Variants in ALG11 observed in about 807,000 individuals in gnomAD.
ALG11 encodes the protein GDP-Man:Man(3)GlcNAc(2)-PP-Dol alpha-1,2-mannosyltransferase.
In ALG11, 26 loss-of-function variants were observed where a neutral mutation model predicts 38.8. The ratio of observed to expected loss-of-function variants is 0.67; its 90% CI spans 0.49 to 0.93. The LOEUF (loss-of-function observed/expected upper bound fraction) is 0.93, where lower values mean the gene tolerates loss of function less well. Among genes scored for constraint, ALG11 ranks in the 40% least tolerant of loss-of-function variants. The pLI, the probability that ALG11 is intolerant of heterozygous loss-of-function variation, is 0.00. For missense variants in ALG11, 535 were observed against 578.8 expected (o/e 0.92, Z 0.78); for synonymous variants, 199 against 211.6 (o/e 0.94, Z 0.52).
At chr13:52,014,567 C>T (rs374594970) in intron 1 of ALG11, among the ~76,000 whole-genome samples, 20 of 150,950 alleles carry the variant, frequency 1.3e-4, no homozygotes, top group African/African-American at 4.9e-4. Context: ...AAGAGTCTTG[C>T]TCTGTTGCCC....
At chr13:52,014,540 A>AT (rs1245766355) in intron 1 of ALG11, among the ~76,000 whole-genome samples, 62 of 147,066 alleles carry the variant, frequency 4.2e-4, no homozygotes, top group African/African-American at 6.0e-4. Flanking sequence ...TTTTTTTTTA[A>AT]TTTTTTTTTT....
rs1954224792 is a variant in ALG11 at position 52,024,885 on chromosome 13, G to T, written c.1155G>T (p.Leu385Phe). 6.2e-7 allele frequency: 1 copy of T among 1,613,352 alleles called. No homozygotes were observed. The highest frequency in any genetic ancestry group is 8.5e-7 in the Non-Finnish European group (1 of 1,180,022). Residue 385 changes from leucine (L) to phenylalanine (F), a missense_variant, in exon 3 of 4, where the codon TTG becomes TTT. Coordinates refer to ENST00000521508, the MANE Select transcript of ALG11 (RefSeq NM_001004127.3). ...NIPFDELKNY[L>F]SEATIGLHTM... is the part of the protein sequence containing the mutation. ...CATTTGATGAATTAAAGAATTATTT[G>T]TCTGAAGCAACAATTGGTCTGCATA...
Position 52,029,498 on chromosome 13 carries a change from C to T in ALG11, c.*908C>T. ...AGCAGAGCTTCAGAGGGCTCGGGCT[C>T]TGCAGTCCTACTATGAGGCCAAGGC... is the stretch of plus-strand genomic sequence containing the variant. On this transcript the variant is annotated 3_prime_UTR_variant, in exon 4 of 4. Transcript: ENST00000521508. The T allele has an allele frequency of 6.2e-7, 1 of 1,614,128 alleles. No individual in the cohort carries two copies. Among genetic ancestry groups the T allele is most frequent in the African/African-American group, 1.3e-5 (1 of 75,024 alleles).
At position 52,029,921 on chromosome 13, in the gene ALG11, T is replaced by C; in HGVS notation, c.*1331T>C. The C allele has an allele frequency of 6.2e-7, 1 of 1,614,156 alleles. No homozygotes were observed. Among genetic ancestry groups the C allele is most frequent in the Non-Finnish European group, 8.5e-7 (1 of 1,180,024 alleles). Reference sequence around the variant, plus strand: ...GATGAATGTGGACGGACCGAATCCCTGGATGTTCAGGAGCTGCACCAGTGA... The same window carrying C: ...GATGAATGTGGACGGACCGAATCCCCGGATGTTCAGGAGCTGCACCAGTGA... On this transcript the variant is annotated 3_prime_UTR_variant, in exon 4 of 4. Transcript: ENST00000521508.
chr13:52,029,343 G>A lies in ALG11; in HGVS notation c.*753G>A. 5 of 1,614,122 alleles carry A rather than the reference G, an allele frequency of 3.1e-6. No homozygotes were observed. Among genetic ancestry groups the A allele is most frequent in the Non-Finnish European group, 4.2e-6 (5 of 1,180,034 alleles). On this transcript the variant is annotated 3_prime_UTR_variant, in exon 4 of 4. Transcript: ENST00000521508. ...CATGCGCTCAGTGGCTGGAAGGCAA[G>A]AACTCCCCTGGAGCAGGAAATTTTT...
rs1954269894 is a variant in ALG11, at chr13:52,029,047, A to G, written c.*457A>G. On this transcript the variant is annotated 3_prime_UTR_variant, in exon 4 of 4. Transcript: ENST00000521508. ...TCAGTGTCAGTTCTGAAGGATCAGG[A>G]GAAAAGCTGGGCCTTGCAGATCTGC... 3.1e-6 allele frequency: 5 copies of G among 1,614,264 alleles called. No individual in the cohort carries two copies. Among genetic ancestry groups the G allele is most frequent in the Non-Finnish European group, 4.2e-6 (5 of 1,180,046 alleles).
In ALG11 at chr13:52,029,099, T is replaced by C. The variant is rs1177474375; in HGVS notation, c.*509T>C. On this transcript the variant is annotated 3_prime_UTR_variant, in exon 4 of 4. Transcript: ENST00000521508. Reference sequence around the variant, plus strand: ...TGAGCCCGTTAAAACTTCATCTTCTTTGGCCACTGTAAAAAAGCAACTGAA... The same window carrying C: ...TGAGCCCGTTAAAACTTCATCTTCTCTGGCCACTGTAAAAAAGCAACTGAA... 1.4e-5 allele frequency: 22 copies of C among 1,614,054 alleles called. No individual in the cohort carries two copies. Among genetic ancestry groups the C allele is most frequent in the Non-Finnish European group, 1.9e-5 (22 of 1,180,042 alleles).
chr13:52,021,922 G>A (rs1954187298), intron 2 of ALG11: 1 of 152,252 alleles, frequency 6.6e-6, no homozygotes, highest in African/African-American at 2.4e-5. Context: ...GAGACAGGAA[G>A]TAGGAGCTGC....
At chr13:52,028,089 T>C (rs930437625) in intron 3 of ALG11, among the ~76,000 whole-genome samples, 69 of 151,102 alleles carry the variant, frequency 4.6e-4, no homozygotes, top group African/African-American at 1.4e-3. Flanking sequence ...TGAGACCCTA[T>C]CTCTTAAAAA....
chr13:52,029,098 T>C lies in ALG11; in HGVS notation c.*508T>C, dbSNP rs1434428281. 6.2e-7 allele frequency: 1 copy of C among 1,614,206 alleles called. No homozygotes were observed. Among genetic ancestry groups the C allele is most frequent in the Non-Finnish European group, 8.5e-7 (1 of 1,180,042 alleles). On this transcript the variant is annotated 3_prime_UTR_variant, in exon 4 of 4. Transcript: ENST00000521508. ...TTGAGCCCGTTAAAACTTCATCTTC[T>C]TTGGCCACTGTAAAAAAGCAACTGA...
chr13:52,028,781 A>G lies in ALG11; in HGVS notation c.*191A>G. 6.2e-7 allele frequency: 1 copy of G among 1,614,210 alleles called. No individual in the cohort carries two copies. Among genetic ancestry groups the G allele is most frequent in the Non-Finnish European group, 8.5e-7 (1 of 1,180,028 alleles). ...AGCCTTCGGCTTCCATTCTTGGTAT[A>G]CATGAGAGAGGCTGGCTGCTGAGAT... On this transcript the variant is annotated 3_prime_UTR_variant, in exon 4 of 4. Transcript: ENST00000521508.
rs1047258718 is a variant in ALG11 at position 52,031,276 on chromosome 13, T to C, written c.*2686T>C. 2 of 1,008,844 alleles carry C rather than the reference T, an allele frequency of 2.0e-6. No homozygotes were observed. The highest frequency in any genetic ancestry group is 2.9e-5 in the Admixed American group (1 of 33,998). 62.5% of individuals were successfully genotyped at this position (1,008,844 alleles called of 1,614,324 possible). On this transcript the variant is annotated 3_prime_UTR_variant, in exon 4 of 4. Coordinates refer to ENST00000521508, the MANE Select transcript of ALG11 (RefSeq NM_001004127.3). Reference sequence around the variant, plus strand: ...CCATTAATTGACTAGCATTTTAGAATTGATCAGACATTAGAACACAGAAAA... The same window carrying C: ...CCATTAATTGACTAGCATTTTAGAACTGATCAGACATTAGAACACAGAAAA...
At chr13:52,013,194 C>T (rs892469866) in intron 1 of ALG11, among the ~76,000 whole-genome samples, 5 of 152,194 alleles carry the variant, frequency 3.3e-5, no homozygotes, top group Non-Finnish European at 5.9e-5. Flanking sequence ...TTGCCCTCCA[C>T]TAATAAAACA....
At chr13:52,012,804 C>T (rs1029212185) in intron 1 of ALG11, among the ~76,000 whole-genome samples, 1 of 151,916 alleles carries the variant, frequency 6.6e-6, no homozygotes, top group African/African-American at 2.4e-5. Flanking sequence ...GATTGAGCCA[C>T]GAGACATTTT....
Position 52,019,204 on chromosome 13 carries a change from C to T in ALG11, c.275+61C>T, listed in dbSNP as rs948079922. On this transcript the variant is annotated intron_variant, in intron 2 of 3. Transcript: ENST00000521508. Reference sequence around the variant, plus strand: ...TGTTCCATTTCTTAAAAATTATTATCCAGAAATTCATCTTTTTTTTTTTTT... The same window carrying T: ...TGTTCCATTTCTTAAAAATTATTATTCAGAAATTCATCTTTTTTTTTTTTT... 2.2e-4 allele frequency: 237 copies of T among 1,088,472 alleles called. 2 individuals carry two copies. Among genetic ancestry groups the T allele is most frequent in the Non-Finnish European group, 3.6e-5 (27 of 743,950 alleles). 67.4% of individuals were successfully genotyped at this position (1,088,472 alleles called of 1,614,324 possible).
At chr13:52,017,470 G>A (rs145479014) in intron 1 of ALG11, 1 of 152,622 alleles carries the variant, frequency 6.6e-6, no homozygotes, top group African/African-American at 2.4e-5. Flanking sequence ...GAATTCCCAT[G>A]TGTTGTGGAA....
chr13:52,014,540 AT>A (rs1245766355), intron 1 of ALG11, among the ~76,000 whole-genome samples: 8 of 147,080 alleles, frequency 5.4e-5, no homozygotes, highest in African/African-American at 7.5e-5. Flanking sequence ...TTTTTTTTTA[AT>A]TTTTTTTTTA....
intron 1 of ALG11, chr13:52,017,102 T>C (rs1954140758): frequency 1.3e-5 from 2 of 152,194 alleles, no homozygotes; most frequent in Admixed American, 6.5e-5. Flanking sequence ...TTTAAAAATT[T>C]GACTGCCCCA....
chr13:52,014,537 T>C (rs1417754656), intron 1 of ALG11, among the ~76,000 whole-genome samples: 1 of 152,024 alleles, frequency 6.6e-6, no homozygotes, highest in African/African-American at 2.4e-5. Context: ...CTTTTTTTTT[T>C]TAATTTTTTT....
Sources: gnomAD v4.1 joint callset for allele counts (sites outside exome capture counted in the v4.1 genomes callset) on GRCh38, gnomAD v4.1.1 for gene constraint, MANE v1.5 for transcripts, NCBI Gene and HGNC (gene_info 2026-07-23, HGNC 2026-07-21) for gene names.